EXD1: variants seen among roughly 807,000 people sequenced by gnomAD.
The protein encoded by EXD1 is piRNA biogenesis protein EXD1.
EXD1 carries 63 observed loss-of-function variants against 49.1 expected under a neutral mutation model. That is an observed-to-expected ratio of 1.28 (90% CI 1.05 to 1.58). EXD1 has a LOEUF of 1.58. Among genes scored for constraint, EXD1 ranks in the 40% most tolerant of loss-of-function variants. EXD1 has a pLI of 0.00. For synonymous variants in EXD1, 234 were observed against 239.2 expected (o/e 0.98, Z 0.20); for missense variants, 748 against 666.0 (o/e 1.12, Z -1.36).
chr15:41,189,899 G>C, intron 11 of EXD1, 38 bp downstream of exon 11: 1 of 1,596,046 alleles, frequency 6.3e-7, no homozygotes. Flanking sequence ...CCTTGAGAAG[G>C]CAGAAAGGAG....
intron 7 of EXD1, among the ~76,000 whole-genome samples, chr15:41,199,680 CAT>C (rs1361157511): frequency 9.1e-6 from 1 of 109,504 alleles, no homozygotes; most frequent in South Asian, 3.3e-4. Context: ...TTATATATAT[CAT>C]ATATATGAGA....
intron 1 of EXD1, among the ~76,000 whole-genome samples, chr15:41,229,196 G>C (rs1176702793): frequency 1.3e-5 from 2 of 152,184 alleles, no homozygotes; most frequent in African/African-American, 4.8e-5. Context: ...ATAACTCTAA[G>C]GCCGGGCACG....
Position 41,191,573 on chromosome 15 carries a change from G to A in EXD1, c.733C>T (p.Leu245Phe). Residue 245 changes from leucine (L) to phenylalanine (F), a missense_variant, in exon 10 of 12, where the codon CTT (leucine) becomes TTT (phenylalanine). Coordinates refer to ENST00000458580, the MANE Select transcript of EXD1 (RefSeq NM_001286441.2). ...CCACCCGTTTCCATGGAAAACTGAA[G>A]TACATCTGCTACCTGTGGTATTTTA... is the stretch of plus-strand genomic sequence containing the variant. Reference protein sequence around the residue: ...NVFDTQVADVLQFSMETGGYL... With the variant: ...NVFDTQVADVFQFSMETGGYL... The A allele has an allele frequency of 6.2e-7, 1 of 1,613,956 alleles. No individual in the cohort carries two copies. Among genetic ancestry groups the A allele is most frequent in the Non-Finnish European group, 8.5e-7 (1 of 1,179,972 alleles).
chr15:41,190,710 T>G (rs947880951), intron 10 of EXD1, among the ~76,000 whole-genome samples: 1 of 152,134 alleles, frequency 6.6e-6, no homozygotes, highest in South Asian at 2.1e-4. Flanking sequence ...AACTTGATTA[T>G]GTGAACAGAA....
chr15:41,223,440 GC>G (rs1475118221), intron 2 of EXD1, among the ~76,000 whole-genome samples: 1 of 151,668 alleles, frequency 6.6e-6, no homozygotes, highest in Non-Finnish European at 1.5e-5. Flanking sequence ...TTTTTTCGGG[GC>G]TGGGTGTGGT....
At chr15:41,200,094 T>C (rs1025446402) in intron 7 of EXD1, among the ~76,000 whole-genome samples, 1 of 151,636 alleles carries the variant, frequency 6.6e-6, no homozygotes, top group African/African-American at 2.4e-5. Context: ...TGTTTAGAGA[T>C]AGGGTTTGTT....
At chr15:41,195,663 CAAAAA>C in intron 9 of EXD1, 107 bp downstream of exon 9, 6 of 550,976 alleles carry the variant, frequency 1.1e-5, no homozygotes, top group South Asian at 6.0e-5. Flanking sequence ...AATGGAGCAC[CAAAAA>C]AAAAAAAAAA....
intron 10 of EXD1, 102 bp downstream of exon 10, chr15:41,191,340 G>T (rs915390381): frequency 1.8e-6 from 2 of 1,093,914 alleles, no homozygotes; most frequent in African/African-American, 1.6e-5. Context: ...ATGTTCATAT[G>T]ATAACATGGC....
chr15:41,211,976 G>C (rs1476015455), intron 6 of EXD1, among the ~76,000 whole-genome samples: 1 of 151,358 alleles, frequency 6.6e-6, no homozygotes, highest in Non-Finnish European at 1.5e-5. Context: ...AAAATAAAAG[G>C]CAAAGGATCT....
intron 3 of EXD1, 160 bp downstream of exon 3, chr15:41,219,669 TA>T: frequency 1.8e-6 from 1 of 569,348 alleles, no homozygotes; most frequent in Non-Finnish European, 3.0e-6. Flanking sequence ...TATAATTCTA[TA>T]AGACTATTTT....
chr15:41,204,128 G>C (rs1232700121), intron 7 of EXD1, among the ~76,000 whole-genome samples: 1 of 147,068 alleles, frequency 6.8e-6, no homozygotes, highest in Non-Finnish European at 1.5e-5. Context: ...TGCACTTGTA[G>C]TCCCAGCTAC....
At position 41,183,966 on chromosome 15, in the gene EXD1, C is replaced by G. The variant is rs759675298; in HGVS notation, c.1684G>C (p.Asp562His). Reference protein sequence around the residue: ...LPPCPALEKIDSWISPFLNLP With the variant: ...LPPCPALEKIHSWISPFLNLP Reference sequence around the variant, plus strand: ...TTTAGAAAAGGACTTATCCAGGAATCGATCTTCTCCAAGGCTGGACAGGGA... The same window carrying G: ...TTTAGAAAAGGACTTATCCAGGAATGGATCTTCTCCAAGGCTGGACAGGGA... Residue 562 changes from aspartate (D) to histidine (H), a missense_variant, in exon 12 of 12, where the codon GAT becomes CAT. Physicochemically the swap from Asp to His is moderately conservative, Grantham distance 81 (BLOSUM62 -1). Coordinates refer to ENST00000458580, the MANE Select transcript of EXD1 (RefSeq NM_001286441.2). The G allele has an allele frequency of 6.2e-7, 1 of 1,606,914 alleles. No individual in the cohort carries two copies. Among genetic ancestry groups the G allele is most frequent in the African/African-American group, 1.3e-5 (1 of 74,588 alleles).
rs2047227549 is a variant in EXD1 at position 41,230,632 on chromosome 15, G to A, written c.-207C>T. On this transcript the variant is annotated 5_prime_UTR_variant, in exon 1 of 12. Coordinates refer to ENST00000458580, the MANE Select transcript of EXD1 (RefSeq NM_001286441.2). ...GGGCTGCAATGAAGGAAGAAGTCTC[G>A]GGACGCTCCACGCCACCCGGCGGCG... 1 of 1,424,284 alleles carries A rather than the reference G, an allele frequency of 7.0e-7. No individual in the cohort carries two copies. The highest frequency in any genetic ancestry group is 9.8e-7 in the Non-Finnish European group (1 of 1,025,134). 88.2% of individuals were successfully genotyped at this position (1,424,284 alleles called of 1,614,324 possible). A position where few individuals can be genotyped will look rare whatever the true frequency, so the allele number is the denominator to read the frequency against.
At chr15:41,203,944 A>AAAAAC (rs2046776904) in intron 7 of EXD1, among the ~76,000 whole-genome samples, 8 of 139,844 alleles carry the variant, frequency 5.7e-5, no homozygotes, top group African/African-American at 2.2e-4. Context: ...AAAAAAAAAA[A>AAAAAC]CCCTAAAAAT....
At chr15:41,217,751 G>C (rs1220934488) in intron 3 of EXD1, among the ~76,000 whole-genome samples, 3 of 152,012 alleles carry the variant, frequency 2.0e-5, no homozygotes, top group Admixed American at 2.0e-4. Flanking sequence ...GGCCAGGCTG[G>C]TCTCAATCTC....
At chr15:41,197,680 G>C (rs925065165) in intron 7 of EXD1, among the ~76,000 whole-genome samples, 8 of 151,448 alleles carry the variant, frequency 5.3e-5, no homozygotes, top group Non-Finnish European at 1.0e-4. Context: ...TTTCACTCCT[G>C]TTGCCCAGGC....
intron 7 of EXD1, among the ~76,000 whole-genome samples, chr15:41,198,698 A>AT (rs201119610): frequency 7.3e-6 from 1 of 137,864 alleles, no homozygotes; most frequent in Non-Finnish European, 1.5e-5. Flanking sequence ...TTATTTTTTA[A>AT]TTAAAAAAAA....
At chr15:41,196,312 ATTTTT>A (rs572843554) in intron 7 of EXD1, among the ~76,000 whole-genome samples, 15,487 of 107,958 alleles carry the variant, frequency 0.14, 963 homozygotes, top group South Asian at 0.28. Flanking sequence ...CGCCCAGCTA[ATTTTT>A]TTTTTTTTTT....
chr15:41,200,300 A>G (rs573360125), intron 7 of EXD1, among the ~76,000 whole-genome samples: 108 of 152,190 alleles, frequency 7.1e-4, no homozygotes, highest in Admixed American at 1.9e-3. Context: ...AGGTGGGTGG[A>G]TCACCTGAGG....
Sources: allele counts gnomAD v4.1 joint callset (sites outside exome capture counted in the v4.1 genomes callset), GRCh38; gene constraint gnomAD v4.1.1; transcripts MANE v1.5; gene names NCBI Gene and HGNC (gene_info 2026-07-23, HGNC 2026-07-21).